Variants in GPC6 observed in about 807,000 individuals in gnomAD.
The protein encoded by GPC6 is glypican 6.
GPC6 carries 14 observed loss-of-function variants against 55.2 expected under a neutral mutation model. The observed-to-expected ratio is 0.25, with a 90% confidence interval of 0.17 to 0.40. GPC6 has a LOEUF of 0.40. Ranked by LOEUF, GPC6 falls within the 10% of genes least tolerant of loss-of-function variation. The pLI, the probability that GPC6 is intolerant of heterozygous loss-of-function variation, is 1.00. For missense variants in GPC6, 641 were observed against 708.5 expected, an observed-to-expected ratio of 0.90 and a Z score of 1.08; for synonymous variants, 278 against 259.6, an observed-to-expected ratio of 1.07 and a Z score of -0.68.
intron 1 of GPC6, among the ~76,000 whole-genome samples, chr13:93,367,914 T>C (rs1441105414): frequency 7.2e-5 from 11 of 152,140 alleles, no homozygotes; most frequent in African/African-American, 2.4e-4. Context: ...TCTGCTTTGT[T>C]GGGTATCCTA....
chr13:93,917,012 G>C, intron 3 of GPC6, among the ~76,000 whole-genome samples: 1 of 152,104 alleles, frequency 6.6e-6, no homozygotes, highest in South Asian at 2.1e-4. Flanking sequence ...CGCTTTCCTT[G>C]TAGTTTTTCT....
intron 3 of GPC6, among the ~76,000 whole-genome samples, chr13:93,891,639 ATACACACACACTATG>A (rs368419552): frequency 0.018 from 2,782 of 152,226 alleles, 80 homozygotes; most frequent in African/African-American, 0.064. Flanking sequence ...AACCATTTAT[ATACACACACACTATG>A]TACACACACA....
At chr13:93,424,076 C>T (rs921167164) in intron 1 of GPC6, among the ~76,000 whole-genome samples, 7 of 152,274 alleles carry the variant, frequency 4.6e-5, no homozygotes, top group African/African-American at 1.7e-4. Flanking sequence ...TTTCAGTGTG[C>T]CCCATGGTGG....
chr13:93,219,408 T>A, the GPC6 span, among the ~76,000 whole-genome samples: 3 of 152,172 alleles, frequency 2.0e-5, no homozygotes, highest in African/African-American at 7.2e-5. Context: ...TACCCTTTCT[T>A]ATGACCAAAC....
chr13:94,108,954 C>T (rs1024141680), intron 4 of GPC6, among the ~76,000 whole-genome samples: 2 of 152,054 alleles, frequency 1.3e-5, no homozygotes, highest in Non-Finnish European at 2.9e-5. Flanking sequence ...CCTGACTTAC[C>T]ACCTGTTATT....
chr13:94,335,946 A>C (rs539313418), intron 6 of GPC6, among the ~76,000 whole-genome samples: 1 of 150,932 alleles, frequency 6.6e-6, no homozygotes, highest in South Asian at 2.1e-4. Flanking sequence ...CTGCAGCATA[A>C]AGGGTGTAGA....
intron 4 of GPC6, among the ~76,000 whole-genome samples, chr13:94,057,289 G>A (rs908454326): frequency 2.6e-5 from 4 of 152,148 alleles, no homozygotes; most frequent in African/African-American, 4.8e-5. Flanking sequence ...CTTATCATAT[G>A]CAGATTGTTT....
At chr13:93,669,433 G>C (rs901321250) in intron 2 of GPC6, among the ~76,000 whole-genome samples, 1 of 152,294 alleles carries the variant, frequency 6.6e-6, no homozygotes, top group Admixed American at 6.5e-5. Context: ...AAAACCAAGA[G>C]AGAGAATACA....
intron 4 of GPC6, among the ~76,000 whole-genome samples, chr13:94,208,552 G>A (rs2151381): frequency 0.085 from 12,948 of 152,052 alleles, 608 homozygotes; most frequent in Non-Finnish European, 0.1. Context: ...GGAGGCCAGC[G>A]TGCACAGAGC....
intron 2 of GPC6, among the ~76,000 whole-genome samples, chr13:93,672,127 T>C (rs1337032651): frequency 1.4e-5 from 2 of 145,518 alleles, no homozygotes; most frequent in Admixed American, 7.3e-5. Context: ...TTTGCATTTA[T>C]ATGATAGAAT....
At chr13:93,492,860 C>T (rs1378346605) in intron 1 of GPC6, among the ~76,000 whole-genome samples, 2 of 148,438 alleles carry the variant, frequency 1.3e-5, no homozygotes, top group Admixed American at 6.8e-5. Context: ...CCTTGCATCC[C>T]AGGGATGAAG....
chr13:94,248,042 G>C (rs1891248777), intron 4 of GPC6, among the ~76,000 whole-genome samples: 1 of 152,002 alleles, frequency 6.6e-6, no homozygotes, highest in Non-Finnish European at 1.5e-5. Flanking sequence ...TCTGAGTTAG[G>C]TATCAAGGTG....
chr13:94,026,296 A>C (rs1481305253), intron 3 of GPC6, among the ~76,000 whole-genome samples: 3 of 152,190 alleles, frequency 2.0e-5, no homozygotes, highest in African/African-American at 7.2e-5. Context: ...GGTAAGGGAT[A>C]GAATCATAGA....
chr13:93,570,769 T>C (rs1381471404), intron 2 of GPC6, among the ~76,000 whole-genome samples: 1 of 152,142 alleles, frequency 6.6e-6, no homozygotes, highest in Non-Finnish European at 1.5e-5. Flanking sequence ...CATTTGTTTT[T>C]CAGGTATGTT....
In GPC6 at chr13:93,979,365, T is replaced by A. The variant is rs573092052; in HGVS notation, c.712-48364T>A. 2.9e-3 allele frequency among the ~76,000 whole-genome samples: 431 copies of A among 150,908 alleles called. 5 individuals are homozygous for A. Among genetic ancestry groups the A allele is most frequent in the African/African-American group, 1.0e-2 (409 of 40,944 alleles). On this transcript the variant is annotated intron_variant, in intron 3 of 8. Transcript: ENST00000377047. ...TGTGTGTTTTTTTTAATTTTTTTTTTATTATACTTTGATTAGTAGACTACT... is the reference window on the plus strand; with the variant it reads ...TGTGTGTTTTTTTTAATTTTTTTTTAATTATACTTTGATTAGTAGACTACT...
chr13:93,424,061 A>T (rs1355453959), intron 1 of GPC6, among the ~76,000 whole-genome samples: 4 of 152,152 alleles, frequency 2.6e-5, no homozygotes, highest in Non-Finnish European at 5.9e-5. Context: ...GATACATTTT[A>T]AGGGTTTCAG....
intron 7 of GPC6, among the ~76,000 whole-genome samples, chr13:94,387,687 C>T (rs1393364818): frequency 6.6e-6 from 1 of 150,880 alleles, no homozygotes; most frequent in African/African-American, 2.4e-5. Flanking sequence ...AGGGTGCAGC[C>T]CTCATTAATG....
chr13:93,693,773 C>T (rs1308406874), intron 2 of GPC6, among the ~76,000 whole-genome samples: 1 of 152,144 alleles, frequency 6.6e-6, no homozygotes, highest in Admixed American at 6.5e-5. Context: ...AGGAGTGAAC[C>T]ACTGTGCCCA....
At chr13:93,862,548 C>T (rs1888848823) in intron 3 of GPC6, among the ~76,000 whole-genome samples, 1 of 151,514 alleles carries the variant, frequency 6.6e-6, no homozygotes, top group Non-Finnish European at 1.5e-5. Flanking sequence ...TAATTCAATT[C>T]AAAATCTCAA....
Sources: allele counts gnomAD v4.1 joint callset (sites outside exome capture counted in the v4.1 genomes callset), GRCh38; gene constraint gnomAD v4.1.1; transcripts MANE v1.5; gene names NCBI Gene and HGNC (gene_info 2026-07-23, HGNC 2026-07-21).